The following DPP9 variants were observed in gnomAD, a reference collection of about 807,000 sequenced individuals.
The protein encoded by DPP9 is dipeptidyl peptidase IV-related protein-2.
A neutral mutation model predicts 110.7 loss-of-function variants in DPP9; 50 were observed. The observed-to-expected ratio is 0.45, with a 90% CI of 0.36 to 0.57. The LOEUF is 0.57. Ranked by LOEUF, DPP9 falls within the 20% of genes least tolerant of loss-of-function variation. DPP9 has a pLI of 0.00. For synonymous variants in DPP9, 561 were observed against 514.4 expected, an observed-to-expected ratio of 1.09 and a Z score of -1.23; for missense variants, 1,022 against 1,217.9, an observed-to-expected ratio of 0.84 and a Z score of 2.39.
chr19:4,691,127 GCA>G (rs2091278069), intron 13 of DPP9, among the ~76,000 whole-genome samples, 170 bp from the exon 14 acceptor site: 1 of 152,166 alleles, frequency 6.6e-6, no homozygotes, highest in Admixed American at 6.5e-5. Flanking sequence ...TGCCACATGG[GCA>G]AGGAAGCCTG....
At chr19:4,677,510 C>T (rs2089040426) in intron 21 of DPP9, among the ~76,000 whole-genome samples, 1 of 152,182 alleles carries the variant, frequency 6.6e-6, no homozygotes, top group Non-Finnish European at 1.5e-5. Flanking sequence ...TGGGAATGCA[C>T]CAAGCCACCC....
At position 4,695,489 on chromosome 19, in the gene DPP9, C is replaced by T; in HGVS notation, c.1242G>A (p.Leu414=). 1.9e-6 allele frequency: 3 copies of T among 1,569,208 alleles called. No homozygotes were observed. The highest frequency in any genetic ancestry group is 2.7e-5 in the African/African-American group (2 of 73,116). The part of the protein sequence containing the change: ...WLQLVLLPPA[L]FIPSTENEEQ... Reference sequence around the variant, plus strand: ...CCTCATTCTCTGTGCTCGGGATGAACAGGGCCGGGGGGAGGAGGACGAGCT... The same window carrying T: ...CCTCATTCTCTGTGCTCGGGATGAATAGGGCCGGGGGGAGGAGGACGAGCT... Residue 414 remains leucine, a synonymous_variant, in exon 12 of 22, where the codon CTG becomes CTA. Coordinates refer to ENST00000262960, the MANE Select transcript of DPP9 (RefSeq NM_139159.5). The surrounding 1 kb of genome is among the most constrained non-coding windows in gnomAD (Gnocchi z 4.7).
chr19:4,681,483 AT>A (rs1327333380), intron 20 of DPP9, among the ~76,000 whole-genome samples: 1 of 151,084 alleles, frequency 6.6e-6, no homozygotes, highest in Non-Finnish European at 1.5e-5. Context: ...CACCTGGCTA[AT>A]TTTTATATTT....
chr19:4,688,650 G>A, intron 16 of DPP9, 107 bp downstream of exon 16: 4 of 1,305,498 alleles, frequency 3.1e-6, no homozygotes, highest in Middle Eastern at 2.8e-4. Flanking sequence ...TGGGAGGCCA[G>A]GCAGGCCAGC....
chr19:4,722,456 C>T, intron 2 of DPP9, 43 bp downstream of exon 2: 1 of 702,118 alleles, frequency 1.4e-6, no homozygotes, highest in South Asian at 1.5e-5. Context: ...CCCACCAGCC[C>T]ACACCCCAGC....
chr19:4,702,034 G>A lies in DPP9; in HGVS notation c.1005C>T (p.Pro335=). ...CATGTACCGGGCACTCACCTGTCCT[G>A]GGGTACCGATACGAGTCCGTCTTCC... ...EERKTDSYRY[P]RTGSKNPKIA... is the part of the protein sequence containing the mutation. The change falls in exon 9 of 22, where the codon CCC becomes CCT. Residue 335 remains proline (P), a synonymous_variant. Coordinates refer to ENST00000262960, the MANE Select transcript of DPP9 (RefSeq NM_139159.5). 2.5e-6 allele frequency: 4 copies of A among 1,613,568 alleles called. No individual in the cohort carries two copies. In the East Asian group the frequency reaches 8.9e-5, roughly 36 times the overall value.
In DPP9 at chr19:4,694,565, C is replaced by T; in HGVS notation, c.1516+96G>A. On this transcript the variant is annotated intron_variant, in intron 13 of 21. Transcript: ENST00000262960. This position sits in a 1 kb window ranked among gnomAD's most constrained non-coding sequence, Gnocchi z 4.0. ...CCTGTTCCTTCTCCCGCAGGGTGTG[C>T]TGGCTGAGTGGGGGGGCCGACCAAT... 6.9e-7 allele frequency: 1 copy of T among 1,455,920 alleles called. No individual in the cohort carries two copies. Among genetic ancestry groups the T allele is most frequent in the Non-Finnish European group, 9.3e-7 (1 of 1,077,942 alleles). 90.2% of individuals were successfully genotyped at this position (1,455,920 alleles called of 1,614,324 possible).
chr19:4,697,014 G>A (rs1325864801), intron 11 of DPP9, among the ~76,000 whole-genome samples: 1 of 151,958 alleles, frequency 6.6e-6, no homozygotes, highest in Non-Finnish European at 1.5e-5. Flanking sequence ...TGGGAGGATT[G>A]CTTGAGCCTG....
intron 7 of DPP9, among the ~76,000 whole-genome samples, chr19:4,703,474 A>C (rs1568322339): frequency 1.3e-5 from 2 of 151,290 alleles, no homozygotes; most frequent in Non-Finnish European, 2.9e-5. Flanking sequence ...AAAATACAAA[A>C]AAAAAAAAAA....
At position 4,703,866 on chromosome 19, in the gene DPP9, A is replaced by C; in HGVS notation, c.769+20T>G. ...GGCCAGGTGGCTATGGTGGCCGTGC[A>C]CAGGAGGGGCTGGCCCCACCTTGGT... is the stretch of plus-strand genomic sequence containing the variant. On this transcript the variant is annotated intron_variant, in intron 7 of 21. Transcript: ENST00000262960. 6.3e-7 allele frequency: 1 copy of C among 1,588,494 alleles called. No homozygotes were observed. The highest frequency in any genetic ancestry group is 8.6e-7 in the Non-Finnish European group (1 of 1,168,202).
In DPP9 at chr19:4,700,324, T is replaced by C. The variant is rs369919335; in HGVS notation, c.1013-47A>G. The stretch of plus-strand genomic sequence containing the variant: ...GAACACCAGGCAGGCATCACCCGTG[T>C]GTGCCGAGAGCCGGCACGGGGGGCC... On this transcript the variant is annotated intron_variant, in intron 9 of 21. Coordinates refer to ENST00000262960, the MANE Select transcript of DPP9 (RefSeq NM_139159.5). This position sits in a 1 kb window ranked among gnomAD's most constrained non-coding sequence, Gnocchi z 4.3. The C allele has an allele frequency of 3.0e-5, 46 of 1,532,866 alleles. No homozygotes were observed. In the African/African-American group the frequency reaches 5.3e-4, roughly 18 times the overall value. The allele number at this position is 1,532,866 out of a possible 1,614,324, so 95.0% of individuals were successfully genotyped here. A position where few individuals can be genotyped will look rare whatever the true frequency, so the allele number is the denominator to read the frequency against.
rs1226971418 is a variant in DPP9 at position 4,718,483 on chromosome 19, T to G, written c.56+1368A>C. 2.0e-5 allele frequency among the ~76,000 whole-genome samples: 3 copies of G among 152,160 alleles called. No homozygotes were observed. The East Asian group carries it at 5.8e-4, about 29-fold the overall frequency. On this transcript the variant is annotated intron_variant, in intron 3 of 21. Coordinates refer to ENST00000262960, the MANE Select transcript of DPP9 (RefSeq NM_139159.5). The surrounding 1 kb of genome is among the most constrained non-coding windows in gnomAD (Gnocchi z 4.3). ...CGCTGGATGGGGAAATGCCTCAAGG[T>G]GGACTTTGGGCAGCCGGCCCAGGCC...
In DPP9 at chr19:4,710,645, T is replaced by G. The variant is rs1163085936; in HGVS notation, c.313+3436A>C. ...TGCTGAGGGGACAGGTCCCATGCTT[T>G]GAGCAGCAGGCCAGGCCTGGCCTTG... On this transcript the variant is annotated intron_variant, in intron 4 of 21. Transcript: ENST00000262960. This position sits in a 1 kb window ranked among gnomAD's most constrained non-coding sequence, Gnocchi z 5.6. Among the ~76,000 whole-genome samples, 1 of 152,120 alleles carries G rather than the reference T, an allele frequency of 6.6e-6. No homozygotes were observed. The highest frequency in any genetic ancestry group is 1.5e-5 in the Non-Finnish European group (1 of 68,000).
rs2091109066 is a variant in DPP9 at position 4,689,437 on chromosome 19, C to A, written c.1749+133G>T. The stretch of plus-strand genomic sequence containing the variant: ...CCCAGGAGGCAGGGGTGGGCACTGC[C>A]TGCCCCAAGGCAGCTATGAGAATGC... On this transcript the variant is annotated intron_variant, in intron 15 of 21. Coordinates refer to ENST00000262960, the MANE Select transcript of DPP9 (RefSeq NM_139159.5). This position sits in a 1 kb window ranked among gnomAD's most constrained non-coding sequence, Gnocchi z 7.0. The A allele has an allele frequency of 1.6e-6, 2 of 1,221,740 alleles. No individual in the cohort carries two copies. The highest frequency in any genetic ancestry group is 2.7e-5 in the Admixed American group (1 of 36,390). The allele number at this position is 1,221,740 out of a possible 1,614,324, so 75.7% of individuals were successfully genotyped here. A position where few individuals can be genotyped will look rare whatever the true frequency, so the allele number is the denominator to read the frequency against.
rs2089567132 is a variant in DPP9, at chr19:4,679,871, G to A, written c.2550C>T (p.Ser850=). 2.5e-6 allele frequency: 4 copies of A among 1,613,408 alleles called. No homozygotes were observed. Residue 850 remains serine (S), a synonymous_variant, in exon 21 of 22, where the codon TCC becomes TCT. Coordinates refer to ENST00000262960, the MANE Select transcript of DPP9 (RefSeq NM_139159.5). The part of the protein sequence containing the change: ...VHFFHTNFLV[S]QLIRAGKPYQ... ...AAGGTTTCCCTGCTCGGATCAGTTG[G>A]GAGACGAGGAAGTTTGTGTGGAAAA... is the stretch of plus-strand genomic sequence containing the variant.
intron 2 of DPP9, among the ~76,000 whole-genome samples, chr19:4,720,764 C>A (rs145674055): frequency 1.1e-3 from 166 of 152,268 alleles, no homozygotes; most frequent in Middle Eastern, 0.01. Flanking sequence ...AGAGAAGGAT[C>A]CCACCTCAAA....
At chr19:4,720,146 C>T (rs894548433) in intron 2 of DPP9, among the ~76,000 whole-genome samples, 2 of 152,212 alleles carry the variant, frequency 1.3e-5, no homozygotes, top group African/African-American at 2.4e-5. Flanking sequence ...TGCCAGAGCC[C>T]GTCATCTTTC....
intron 16 of DPP9, among the ~76,000 whole-genome samples, chr19:4,686,318 A>ATTTTTT (rs397859631): frequency 9.5e-6 from 1 of 105,640 alleles, no homozygotes. Context: ...CTCGAACTGT[A>ATTTTTT]TTTTTTTTTT....
chr19:4,713,970 G>A (rs983826350), intron 4 of DPP9, 111 bp downstream of exon 4: 1 of 1,418,646 alleles, frequency 7.0e-7, no homozygotes, highest in Non-Finnish European at 9.3e-7. Context: ...CCAGGGCCCA[G>A]CCATCCGAGC....
Sources: allele counts gnomAD v4.1 joint callset (sites outside exome capture counted in the v4.1 genomes callset), GRCh38; gene constraint gnomAD v4.1.1; non-coding constraint Gnocchi (gnomAD v3.1); transcripts MANE v1.5; gene names NCBI Gene and HGNC (gene_info 2026-07-23, HGNC 2026-07-21).